Variants in GATC observed in about 807,000 individuals in gnomAD.
GATC encodes the protein glutamyl-tRNA amidotransferase subunit C.
In GATC, 11 loss-of-function variants were observed where a neutral mutation model predicts 14.4. The ratio of observed to expected loss-of-function variants is 0.77; its 90% confidence interval spans 0.48 to 1.27. The LOEUF (loss-of-function observed/expected upper bound fraction) is 1.27. GATC is among the 50% of genes most tolerant of loss of function. The pLI is 0.00. For missense variants in GATC, 204 were observed against 183.0 expected, an observed-to-expected ratio of 1.11 and a Z score of -0.66; for synonymous variants, 76 against 79.3, an observed-to-expected ratio of 0.96 and a Z score of 0.22.
chr12:120,446,602 G>A lies in GATC; in HGVS notation c.81+41G>A, dbSNP rs772564496. 5.0e-6 allele frequency: 8 copies of A among 1,591,466 alleles called. No homozygotes were observed. In the Admixed American group the frequency reaches 5.1e-5, roughly 10 times the overall value. ...ATCTAGGCGGGTGGCGGAGCAAGCC[G>A]GGAGGCACTTCGGAGCGCCGGTGAC... is the stretch of plus-strand genomic sequence containing the variant. On this transcript the variant is annotated intron_variant, in intron 1 of 3. Transcript: ENST00000551765.
At chr12:120,457,957 G>A (rs1202718602) in intron 3 of GATC, among the ~76,000 whole-genome samples, 1 of 151,748 alleles carries the variant, frequency 6.6e-6, no homozygotes, top group Admixed American at 6.6e-5. Flanking sequence ...TGATTCAAAC[G>A]CCATTAGGGT....
chr12:120,455,486 G>A (rs1212426409), intron 2 of GATC, among the ~76,000 whole-genome samples: 6 of 147,894 alleles, frequency 4.1e-5, no homozygotes, highest in African/African-American at 1.5e-4. Context: ...CCCACACCCC[G>A]CCGCCCCCCT....
intron 2 of GATC, chr12:120,455,070 T>G: frequency 2.5e-6 from 1 of 402,084 alleles, no homozygotes; most frequent in Non-Finnish European, 5.1e-6. Flanking sequence ...ATATTTTTAG[T>G]AGAGACAGGG....
chr12:120,451,337 G>A (rs1056931312), intron 2 of GATC, among the ~76,000 whole-genome samples: 1 of 150,234 alleles, frequency 6.7e-6, no homozygotes, highest in African/African-American at 2.5e-5. Context: ...CCAGCTACTC[G>A]GGAGGCTGAA....
At position 120,463,537 on chromosome 12, in the gene GATC, G is replaced by C. The variant is rs1878412627; in HGVS notation, c.*3578G>C. ...AGCTCAGCCCTGACAGCAGGACCTAGAAGGGCTGAGATGAAGAGGCTGACC... is the reference window on the plus strand; with the variant it reads ...AGCTCAGCCCTGACAGCAGGACCTACAAGGGCTGAGATGAAGAGGCTGACC... On this transcript the variant is annotated 3_prime_UTR_variant, in exon 4 of 4. Transcript: ENST00000551765. 1 of 155,468 alleles carries C rather than the reference G, an allele frequency of 6.4e-6. No individual in the cohort carries two copies. Among genetic ancestry groups the C allele is most frequent in the African/African-American group, 2.4e-5 (1 of 41,576 alleles). 9.6% of individuals were successfully genotyped at this position (155,468 alleles called of 1,614,324 possible).
chr12:120,457,249 G>A (rs188248519), intron 3 of GATC, 70 bp downstream of exon 3: 5 of 1,163,686 alleles, frequency 4.3e-6, no homozygotes, highest in Non-Finnish European at 6.4e-6. Flanking sequence ...GGAAGCATGA[G>A]GACCAAAGAT....
Position 120,461,516 on chromosome 12 carries a change from C to T in GATC, c.*1557C>T, listed in dbSNP as rs1333977995. On this transcript the variant is annotated 3_prime_UTR_variant, in exon 4 of 4. Coordinates refer to ENST00000551765, the MANE Select transcript of GATC (RefSeq NM_176818.3). ...GCTCTTGGAGTTTACGTTCTCAAACCAACATCAGAGCAACTGTCTATCCCC... is the reference window on the plus strand; with the variant it reads ...GCTCTTGGAGTTTACGTTCTCAAACTAACATCAGAGCAACTGTCTATCCCC... 6.6e-6 allele frequency: 1 copy of T among 152,088 alleles called. No individual in the cohort carries two copies. The highest frequency in any genetic ancestry group is 6.6e-5 in the Admixed American group (1 of 15,250). The allele number at this position is 152,088 out of a possible 1,614,324, so 9.4% of individuals were successfully genotyped here. A position where few individuals can be genotyped will look rare whatever the true frequency, so the allele number is the denominator to read the frequency against.
chr12:120,463,216 C>G lies in GATC; in HGVS notation c.*3257C>G, dbSNP rs1374438616. 1 of 152,138 alleles carries G rather than the reference C, an allele frequency of 6.6e-6. No homozygotes were observed. Among genetic ancestry groups the G allele is most frequent in the East Asian group, 1.9e-4 (1 of 5,196 alleles). 9.4% of individuals were successfully genotyped at this position (152,138 alleles called of 1,614,324 possible). ...ATCCAAAACAGCAGCTGCTTTCCTA[C>G]AAGGAAAGACATCAAGAACTACTGA... On this transcript the variant is annotated 3_prime_UTR_variant, in exon 4 of 4. Coordinates refer to ENST00000551765, the MANE Select transcript of GATC (RefSeq NM_176818.3).
chr12:120,449,436 A>T (rs1877976197), intron 2 of GATC, among the ~76,000 whole-genome samples: 1 of 151,210 alleles, frequency 6.6e-6, no homozygotes, highest in African/African-American at 2.4e-5. Context: ...GTATTCAGTA[A>T]ATGTGTTTTG....
At chr12:120,454,971 T>C (rs982370430) in intron 2 of GATC, 1 of 452,298 alleles carries the variant, frequency 2.2e-6, no homozygotes, top group Non-Finnish European at 4.4e-6. Flanking sequence ...CACTACAAAC[T>C]CTGCTTCCTA....
chr12:120,449,136 G>A (rs1877968131), intron 2 of GATC, among the ~76,000 whole-genome samples: 1 of 151,322 alleles, frequency 6.6e-6, no homozygotes, highest in Non-Finnish European at 1.5e-5. Flanking sequence ...CTAATTTTTT[G>A]TATTTTTAGT....
rs893696044 is a variant in GATC at position 120,462,528 on chromosome 12, G to A, written c.*2569G>A. The A allele has an allele frequency of 5.3e-5, 9 of 170,992 alleles. No individual in the cohort carries two copies. The highest frequency in any genetic ancestry group is 1.8e-4 in the Admixed American group (3 of 16,534). 10.6% of individuals were successfully genotyped at this position (170,992 alleles called of 1,614,324 possible). On this transcript the variant is annotated 3_prime_UTR_variant, in exon 4 of 4. Transcript: ENST00000551765. ...CAGGGGTCATATAGTTTAATCCCCT[G>A]CCACCTCATGTATGCATCTTTGGAT... is the stretch of plus-strand genomic sequence containing the variant.
chr12:120,446,899 C>A, intron 2 of GATC, 70 bp downstream of exon 2: 3 of 1,447,168 alleles, frequency 2.1e-6, no homozygotes, highest in Non-Finnish European at 2.8e-6. Context: ...TGACGATTAG[C>A]GAACAGTTTT....
intron 2 of GATC, among the ~76,000 whole-genome samples, chr12:120,447,083 T>G (rs565468477): frequency 4.3e-4 from 14 of 32,720 alleles, no homozygotes; most frequent in Non-Finnish European, 6.1e-4. Context: ...TTTGTTTTGT[T>G]TTTTTTTTTT....
chr12:120,455,700 T>C (rs183288989), intron 2 of GATC, among the ~76,000 whole-genome samples: 18 of 151,996 alleles, frequency 1.2e-4, no homozygotes, highest in Admixed American at 1.0e-3. Flanking sequence ...TTCTCTTTTT[T>C]TTTGAGGCAG....
chr12:120,450,967 C>T (rs1310071283), intron 2 of GATC, among the ~76,000 whole-genome samples: 2 of 151,710 alleles, frequency 1.3e-5, no homozygotes, highest in African/African-American at 4.8e-5. Context: ...CATGGCGAAA[C>T]CCTGTTTCTA....
At chr12:120,455,182 CT>C (rs113316290) in intron 2 of GATC, among the ~76,000 whole-genome samples, 4,496 of 145,862 alleles carry the variant, frequency 0.031, 233 homozygotes, top group African/African-American at 0.11. Context: ...TGTGCCTGGC[CT>C]TTTTTTTTTT....
At position 120,462,222 on chromosome 12, in the gene GATC, A is replaced by T; in HGVS notation, c.*2263A>T. 7 of 1,531,166 alleles carry T rather than the reference A, an allele frequency of 4.6e-6. No homozygotes were observed. Among genetic ancestry groups the T allele is most frequent in the Non-Finnish European group, 6.2e-6 (7 of 1,129,890 alleles). 94.8% of individuals were successfully genotyped at this position (1,531,166 alleles called of 1,614,324 possible). On this transcript the variant is annotated 3_prime_UTR_variant, in exon 4 of 4. Transcript: ENST00000551765. ...GAAAAAAATCAGAGCCAGAAGAATA[A>T]GCAAACCAACATCTAACAATAATAG...
At chr12:120,455,709 A>G (rs1228749104) in intron 2 of GATC, among the ~76,000 whole-genome samples, 1 of 151,276 alleles carries the variant, frequency 6.6e-6, no homozygotes, top group African/African-American at 2.4e-5. Context: ...TTTTTGAGGC[A>G]GAGTATCGCT....
Sources: gnomAD v4.1 joint callset for allele counts (sites outside exome capture counted in the v4.1 genomes callset) on GRCh38, gnomAD v4.1.1 for gene constraint, MANE v1.5 for transcripts, NCBI Gene and HGNC (gene_info 2026-07-23, HGNC 2026-07-21) for gene names.